The following TTC22 variants were observed in gnomAD, a reference collection of about 807,000 sequenced individuals.
TTC22 encodes the protein tetratricopeptide repeat protein 22.
TTC22 carries 42 observed loss-of-function variants against 48.2 expected under a neutral mutation model. That is an observed-to-expected ratio of 0.87 (90% CI 0.68 to 1.13). TTC22 has a LOEUF of 1.13. Ranked by LOEUF, TTC22 falls within the 50% of genes most tolerant of loss-of-function variation. TTC22 has a pLI of 0.00. For missense variants in TTC22, 784 were observed against 807.0 expected, an observed-to-expected ratio of 0.97 and a Z score of 0.34; for synonymous variants, 345 against 365.5, an observed-to-expected ratio of 0.94 and a Z score of 0.64.
chr1:54,795,717 T>C (rs649398), intron 1 of TTC22, among the ~76,000 whole-genome samples: 38,266 of 152,182 alleles, frequency 0.25, 5,060 homozygotes, highest in East Asian at 0.52. Flanking sequence ...GTGGTTGGGC[T>C]GGATGATGCT....
chr1:54,800,453 G>A (rs1206861705), intron 1 of TTC22, 144 bp downstream of exon 1: 3 of 713,744 alleles, frequency 4.2e-6, no homozygotes, highest in Non-Finnish European at 6.4e-6. Flanking sequence ...GCAGGCGGGG[G>A]ATGCACATTG....
chr1:54,788,189 G>A (rs1557773324), intron 1 of TTC22, 92 bp from the exon 2 acceptor site: 1 of 1,246,998 alleles, frequency 8.0e-7, no homozygotes, highest in Non-Finnish European at 1.2e-6. Context: ...CCAAGAGGCA[G>A]CAGGCACAAG....
Position 54,792,636 on chromosome 1 carries a change from T to A in TTC22, c.568-4539A>T, listed in dbSNP as rs185172964. ...TTAGTAGAGACGGGGTTTCTCCATGTTGGTCAGGCCAGTCTCGAACTTCCG... is the reference window on the plus strand; with the variant it reads ...TTAGTAGAGACGGGGTTTCTCCATGATGGTCAGGCCAGTCTCGAACTTCCG... On this transcript the variant is annotated intron_variant, in intron 1 of 6. Coordinates refer to ENST00000371276, the MANE Select transcript of TTC22 (RefSeq NM_001114108.2). Among the ~76,000 whole-genome samples, 374 of 152,314 alleles carry A rather than the reference T, an allele frequency of 2.5e-3. 1 individual carries two copies. The highest frequency in any genetic ancestry group is 4.3e-3 in the Non-Finnish European group (294 of 68,022).
Position 54,800,822 on chromosome 1 carries a change from GC to G in TTC22, c.341del (p.Gly114AlafsTer71), listed in dbSNP as rs1557778895. ...CGCACGCCTCCTCCTCTTCTTCCTG[GC>G]CCAGCCGCCCGTACACGTGTGCCAG... is the stretch of plus-strand genomic sequence containing the variant. Reference protein sequence around the residue: ...ANLAHVYGRLGQEEEEEACAA... With the variant: ...ANLAHVYGRLXQEEEEEACAA... On this transcript the variant is annotated frameshift_variant, in exon 1 of 7. Coordinates refer to ENST00000371276, the MANE Select transcript of TTC22 (RefSeq NM_001114108.2). LOFTEE classifies it high-confidence loss of function. 1 of 1,597,024 alleles carries G rather than the reference GC, an allele frequency of 6.3e-7. No individual in the cohort carries two copies.
At position 54,787,044 on chromosome 1, in the gene TTC22, C is replaced by T; in HGVS notation, c.771G>A (p.Leu257=). ...ALAWCYLGML[L]ERKDTFSTTP... ...TGGTGGAGAAGGTGTCCTTCCGCTC[C>T]AGCAGCATCCCGAGGTAGCACCAGG... Residue 257 remains leucine (L), a synonymous_variant, in exon 4 of 7, where the codon CTG becomes CTA. Coordinates refer to ENST00000371276, the MANE Select transcript of TTC22 (RefSeq NM_001114108.2). 1 of 1,546,178 alleles carries T rather than the reference C, an allele frequency of 6.5e-7. No homozygotes were observed. Among genetic ancestry groups the T allele is most frequent in the Non-Finnish European group, 8.7e-7 (1 of 1,145,536 alleles).
Position 54,800,663 on chromosome 1 carries a change from C to G in TTC22, c.501G>C (p.Glu167Asp). The change falls in exon 1 of 7, where the codon GAG (glutamate) becomes GAC (aspartate). Residue 167 changes from glutamate (E) to aspartate (D), a missense_variant. Physicochemically the swap from Glu to Asp is conservative, Grantham distance 45. Coordinates refer to ENST00000371276, the MANE Select transcript of TTC22 (RefSeq NM_001114108.2). ...HGFDVGCASP[E>D]ERARGLAAGI... ...CTGCCGCCAGCCCCCGCGCACGCTC[C>G]TCTGGGCTGGCGCAGCCGACGTCGA... 6.4e-7 allele frequency: 1 copy of G among 1,557,546 alleles called. No homozygotes were observed. Among genetic ancestry groups the G allele is most frequent in the Non-Finnish European group, 8.6e-7 (1 of 1,161,868 alleles).
intron 1 of TTC22, among the ~76,000 whole-genome samples, chr1:54,791,155 C>T (rs967768746): frequency 1.6e-4 from 25 of 152,298 alleles, no homozygotes; most frequent in African/African-American, 5.5e-4. Flanking sequence ...CCACCGCGTC[C>T]GGCCCCCTGG....
At position 54,781,643 on chromosome 1, in the gene TTC22, A is replaced by G; in HGVS notation, c.1310T>C (p.Leu437Pro). 1 of 1,530,654 alleles carries G rather than the reference A, an allele frequency of 6.5e-7. No individual in the cohort carries two copies. The highest frequency in any genetic ancestry group is 8.7e-7 in the Non-Finnish European group (1 of 1,144,192). The allele number at this position is 1,530,654 out of a possible 1,614,324, so 94.8% of individuals were successfully genotyped here. A position where few individuals can be genotyped will look rare whatever the true frequency, so the allele number is the denominator to read the frequency against. Reference sequence around the variant, plus strand: ...CTTGATGCGCAGGCACTTGCCGCGCAGCAGCTGCAGCTCGGGCAGCGTGGC... The same window carrying G: ...CTTGATGCGCAGGCACTTGCCGCGCGGCAGCTGCAGCTCGGGCAGCGTGGC... Reference protein sequence around the residue: ...LGATLPELQLLRGKCLRIKGE... With the variant: ...LGATLPELQLPRGKCLRIKGE... The change falls in exon 7 of 7, where the codon CTG becomes CCG. Residue 437 changes from leucine to proline, a missense_variant. Coordinates refer to ENST00000371276, the MANE Select transcript of TTC22 (RefSeq NM_001114108.2).
rs1646296586 is a variant in TTC22 at position 54,785,937 on chromosome 1, T to C, written c.1020+46A>G. 2.5e-6 allele frequency: 4 copies of C among 1,582,522 alleles called. No homozygotes were observed. In the Admixed American group the frequency reaches 5.2e-5, roughly 21 times the overall value. ...GGGTCTTGGCCTCTGGCCCTTGTTCTCTGATTCCCAATGGCAGGGTATGGT... is the reference window on the plus strand; with the variant it reads ...GGGTCTTGGCCTCTGGCCCTTGTTCCCTGATTCCCAATGGCAGGGTATGGT... On this transcript the variant is annotated intron_variant, in intron 5 of 6. Transcript: ENST00000371276.
At chr1:54,798,096 A>G (rs530215529) in intron 1 of TTC22, among the ~76,000 whole-genome samples, 1 of 152,304 alleles carries the variant, frequency 6.6e-6, no homozygotes, top group Non-Finnish European at 1.5e-5. Flanking sequence ...CCTGCTCGCC[A>G]TCTGCATTAT....
rs1646254921 is a variant in TTC22 at position 54,780,674 on chromosome 1, G to T, written c.*569C>A. 2 of 152,340 alleles carry T rather than the reference G, an allele frequency of 1.3e-5. No homozygotes were observed. The highest frequency in any genetic ancestry group is 4.8e-5 in the African/African-American group (2 of 41,480). The allele number at this position is 152,340 out of a possible 1,614,324, so 9.4% of individuals were successfully genotyped here. On this transcript the variant is annotated 3_prime_UTR_variant, in exon 7 of 7. Coordinates refer to ENST00000371276, the MANE Select transcript of TTC22 (RefSeq NM_001114108.2). ...CTACTAGAAAAGTAGCAGAGAGGCA[G>T]GAATGAGCCCTGAGCACGAGGCTTA...
intron 5 of TTC22, chr1:54,784,463 T>C: frequency 1.2e-6 from 1 of 829,652 alleles, no homozygotes; most frequent in Non-Finnish European, 1.5e-6. Context: ...GCCTCCCTGG[T>C]TCTATGTGGC....
intron 5 of TTC22, among the ~76,000 whole-genome samples, chr1:54,784,354 CA>C (rs1646284123): frequency 6.6e-6 from 1 of 152,212 alleles, no homozygotes; most frequent in Non-Finnish European, 1.5e-5. Context: ...TCTGGCACCA[CA>C]GAGAGGCCAG....
chr1:54,789,566 C>T (rs779892618), intron 1 of TTC22, among the ~76,000 whole-genome samples: 2 of 152,218 alleles, frequency 1.3e-5, no homozygotes, highest in Non-Finnish European at 2.9e-5. Context: ...GTCTGGAACC[C>T]AGGTCCCAGT....
chr1:54,787,626 A>G (rs1393824852), intron 3 of TTC22, 85 bp downstream of exon 3: 3 of 933,048 alleles, frequency 3.2e-6, no homozygotes, highest in Non-Finnish European at 5.1e-6. Context: ...CAAGAAGGGG[A>G]GGTAATGCCA....
chr1:54,782,170 G>C (rs1222682007), intron 6 of TTC22, among the ~76,000 whole-genome samples, 155 bp downstream of exon 6: 1 of 152,182 alleles, frequency 6.6e-6, no homozygotes, highest in Non-Finnish European at 1.5e-5. Flanking sequence ...CTGTACACAC[G>C]TCTTATTCAG....
At chr1:54,793,385 T>G (rs1431638069) in intron 1 of TTC22, among the ~76,000 whole-genome samples, 2 of 152,154 alleles carry the variant, frequency 1.3e-5, no homozygotes, top group African/African-American at 4.8e-5. Flanking sequence ...ATATTAGGGA[T>G]GGGGAAACTG....
chr1:54,796,193 C>T (rs769042137), intron 1 of TTC22, among the ~76,000 whole-genome samples: 12 of 152,240 alleles, frequency 7.9e-5, no homozygotes, highest in Non-Finnish European at 1.6e-4. Flanking sequence ...TGTCTGTGCG[C>T]GTGCGCACGT....
In TTC22 at chr1:54,800,601, T is replaced by TG; in HGVS notation, c.562dup (p.Gln188ProfsTer32). The TG allele has an allele frequency of 6.6e-7, 1 of 1,519,048 alleles. No homozygotes were observed. Among genetic ancestry groups the TG allele is most frequent in the South Asian group, 1.2e-5 (1 of 80,190 alleles). 94.1% of individuals were successfully genotyped at this position (1,519,048 alleles called of 1,614,324 possible). A position where few individuals can be genotyped will look rare whatever the true frequency, so the allele number is the denominator to read the frequency against. ...AGGGAGACAGGGGTCACCTACCTGC[T>TG]GCCCGTAGCCTAGCGCCTTGTCGTA... is the stretch of plus-strand genomic sequence containing the variant. On this transcript the variant is annotated frameshift_variant, in exon 1 of 7. Transcript: ENST00000371276. LOFTEE classifies it high-confidence loss of function.
Sources: allele counts gnomAD v4.1 joint callset (sites outside exome capture counted in the v4.1 genomes callset), GRCh38; gene constraint gnomAD v4.1.1; transcripts MANE v1.5; gene names NCBI Gene and HGNC (gene_info 2026-07-23, HGNC 2026-07-21).